Variants in KNCN observed in about 807,000 individuals in gnomAD.
The protein encoded by KNCN is kinocilin.
In KNCN, 11 loss-of-function variants were observed where a neutral mutation model predicts 10.4. That is an observed-to-expected ratio of 1.06 (90% CI 0.67 to 1.75). The LOEUF is 1.75. Ranked by LOEUF, KNCN falls within the 40% of genes most tolerant of loss-of-function variation. KNCN has a pLI of 0.00. For synonymous variants in KNCN, 67 were observed against 71.6 expected, an observed-to-expected ratio of 0.94 and a Z score of 0.33; for missense variants, 172 against 167.1, an observed-to-expected ratio of 1.03 and a Z score of -0.16.
chr1:46,549,402 G>A (rs1667020488), intron 2 of KNCN, 135 bp from the exon 3 acceptor site: 1 of 633,888 alleles, frequency 1.6e-6, no homozygotes, highest in Admixed American at 3.1e-5. Context: ...CATTCCTTTA[G>A]GTCTCACATG....
In KNCN at chr1:46,551,559, A is replaced by G; in HGVS notation, c.-344T>C. 4.6e-6 allele frequency: 1 copy of G among 215,792 alleles called. No individual in the cohort carries two copies. The highest frequency in any genetic ancestry group is 9.1e-6 in the Non-Finnish European group (1 of 109,974). The allele number at this position is 215,792 out of a possible 1,614,324, so 13.4% of individuals were successfully genotyped here. On this transcript the variant is annotated 5_prime_UTR_variant, in exon 1 of 4. An upstream start codon of the reference 5' UTR is lost. Coordinates refer to ENST00000481882, the MANE Select transcript of KNCN (RefSeq NM_001322255.2). This position sits in a 1 kb window ranked among gnomAD's most constrained non-coding sequence, Gnocchi z 4.0. ...AGTTCTAGGGAGCTGGGCCTGTTCCATAGGATCCTTCCCTGCCAGCCTCCA... is the reference window on the plus strand; with the variant it reads ...AGTTCTAGGGAGCTGGGCCTGTTCCGTAGGATCCTTCCCTGCCAGCCTCCA...
chr1:46,549,141 CA>C (rs749743161), intron 3 of KNCN, 51 bp downstream of exon 3: 17,440 of 758,754 alleles, frequency 0.023, no homozygotes, highest in South Asian at 0.045. Context: ...AACTCTGTCT[CA>C]AAAAAAAAAA....
Position 46,547,538 on chromosome 1 carries a change from G to A in KNCN, c.*192C>T. The A allele has an allele frequency of 1.4e-6, 1 of 707,734 alleles. No individual in the cohort carries two copies. The highest frequency in any genetic ancestry group is 2.6e-6 in the Non-Finnish European group (1 of 385,270). 43.8% of individuals were successfully genotyped at this position (707,734 alleles called of 1,614,324 possible). ...TTGCTCCAGGTCCCAGCCCACACCA[G>A]TGGAATCCATTTTGGAGAGGCTTGG... On this transcript the variant is annotated 3_prime_UTR_variant, in exon 4 of 4. Transcript: ENST00000481882.
At position 46,549,249 on chromosome 1, in the gene KNCN, G is replaced by T. The variant is rs750244356; in HGVS notation, c.239C>A (p.Pro80His). Residue 80 changes from proline (P) to histidine (H), a missense_variant, in exon 3 of 4, where the codon CCC (proline) becomes CAC (histidine). Transcript: ENST00000481882. ...TTCCCCGTGGTCTGCCCCTGGATGG[G>T]GATGGATTCTTAGGCTCCCTGCAGG... ...LPTIGSLRIH[P>H]HPGADHGEGR... is the part of the protein sequence containing the mutation. 6.2e-7 allele frequency: 1 copy of T among 1,613,098 alleles called. No homozygotes were observed. The highest frequency in any genetic ancestry group is 8.5e-7 in the Non-Finnish European group (1 of 1,179,440).
At chr1:46,550,726 T>C (rs886552318) in intron 1 of KNCN, among the ~76,000 whole-genome samples, 1 of 152,266 alleles carries the variant, frequency 6.6e-6, no homozygotes. Flanking sequence ...TCCTTTTACC[T>C]GCCGCCATCA....
At position 46,550,000 on chromosome 1, in the gene KNCN, G is replaced by A. The variant is rs1433890329; in HGVS notation, c.154C>T (p.Leu52Phe). ...GVFIGAAVLG[L>F]LILAYPFLKA... is the part of the protein sequence containing the mutation. Reference sequence around the variant, plus strand: ...AGGAAGGGGTAGGCCAAGATGAGGAGCCCTGAGAAGAGACACAGGGGGTTC... The same window carrying A: ...AGGAAGGGGTAGGCCAAGATGAGGAACCCTGAGAAGAGACACAGGGGGTTC... The change falls in exon 2 of 4, where the codon CTC (leucine) becomes TTC (phenylalanine). Residue 52 changes from leucine (L) to phenylalanine (F), a missense_variant and splice_region_variant. Transcript: ENST00000481882. 1 of 1,550,710 alleles carries A rather than the reference G, an allele frequency of 6.4e-7. No individual in the cohort carries two copies. The highest frequency in any genetic ancestry group is 2.4e-5 in the East Asian group (1 of 40,918).
rs2148510207 is a variant in KNCN at position 46,551,225 on chromosome 1, C to T, written c.-10G>A. 1.2e-6 allele frequency: 2 copies of T among 1,601,910 alleles called. No individual in the cohort carries two copies. The highest frequency in any genetic ancestry group is 1.7e-6 in the Non-Finnish European group (2 of 1,175,086). ...TGATGGGGATGTCCATGCAGGCCCACCCGGGGCACTGCCTCCAGCCGGTGC... is the reference window on the plus strand; with the variant it reads ...TGATGGGGATGTCCATGCAGGCCCATCCGGGGCACTGCCTCCAGCCGGTGC... On this transcript the variant is annotated 5_prime_UTR_variant, in exon 1 of 4. The change creates a new upstream start codon in the 5' untranslated region. Coordinates refer to ENST00000481882, the MANE Select transcript of KNCN (RefSeq NM_001322255.2). The surrounding 1 kb of genome is among the most constrained non-coding windows in gnomAD (Gnocchi z 4.0).
In KNCN at chr1:46,547,611, C is replaced by T; in HGVS notation, c.*119G>A. On this transcript the variant is annotated 3_prime_UTR_variant, in exon 4 of 4. Transcript: ENST00000481882. The stretch of plus-strand genomic sequence containing the variant: ...ATTCCAGACACTGTTCCCAGCCGCT[C>T]TGGGGTCTGCAGGGCCTGGCTTGTC... 1.3e-6 allele frequency: 1 copy of T among 799,028 alleles called. No individual in the cohort carries two copies. The highest frequency in any genetic ancestry group is 2.2e-6 in the Non-Finnish European group (1 of 459,666). The allele number at this position is 799,028 out of a possible 1,614,324, so 49.5% of individuals were successfully genotyped here.
chr1:46,550,839 C>T (rs1380901772), intron 1 of KNCN, among the ~76,000 whole-genome samples: 1 of 152,116 alleles, frequency 6.6e-6, no homozygotes, highest in African/African-American at 2.4e-5. Context: ...AAGAGTGTGA[C>T]GGCCAGCTCT....
chr1:46,549,009 C>T (rs1206314947), intron 3 of KNCN, among the ~76,000 whole-genome samples, 184 bp downstream of exon 3: 1 of 152,126 alleles, frequency 6.6e-6, no homozygotes, highest in Non-Finnish European at 1.5e-5. Flanking sequence ...GGCGTGGTGG[C>T]ACATGTCTGT....
chr1:46,550,894 G>A (rs1667052906), intron 1 of KNCN, among the ~76,000 whole-genome samples, 171 bp downstream of exon 1: 2 of 152,052 alleles, frequency 1.3e-5, no homozygotes, highest in South Asian at 2.1e-4. Context: ...CCAGCGCGTC[G>A]CTCCTCTCCC....
At chr1:46,547,842 C>T (rs1003877013) in intron 3 of KNCN, 33 bp from the exon 4 acceptor site, 94 of 1,408,214 alleles carry the variant, frequency 6.7e-5, no homozygotes, top group South Asian at 3.5e-4. Context: ...GGACTGCCTC[C>T]GTAGACAGGT....
At chr1:46,549,874 A>G in intron 2 of KNCN, 60 bp downstream of exon 2, 5 of 1,550,378 alleles carry the variant, frequency 3.2e-6, no homozygotes, top group Non-Finnish European at 4.4e-6. Flanking sequence ...AGACGAGCAC[A>G]CAAAGGGTCT....
chr1:46,547,684 AGGCAGGATGGGAG>A lies in KNCN; in HGVS notation c.*33_*45del. 1 of 1,418,830 alleles carries A rather than the reference AGGCAGGATGGGAG, an allele frequency of 7.0e-7. No homozygotes were observed. The highest frequency in any genetic ancestry group is 9.7e-7 in the Non-Finnish European group (1 of 1,029,408). 87.9% of individuals were successfully genotyped at this position (1,418,830 alleles called of 1,614,324 possible). A position where few individuals can be genotyped will look rare whatever the true frequency, so the allele number is the denominator to read the frequency against. On this transcript the variant is annotated 3_prime_UTR_variant, in exon 4 of 4. Transcript: ENST00000481882. Reference sequence around the variant, plus strand: ...AGGAGGGCACTGACATAGGGGCAGCAGGCAGGATGGGAGGGCAGGGCATGGGCAGCCGCTCAGA... The same window carrying A: ...AGGAGGGCACTGACATAGGGGCAGCAGGCAGGGCATGGGCAGCCGCTCAGA...
Position 46,547,373 on chromosome 1 carries a change from T to C in KNCN, c.*357A>G, listed in dbSNP as rs1048448761. The stretch of plus-strand genomic sequence containing the variant: ...GCAAGGGACTGGGGCATCCTGGTCA[T>C]AGTCAGGGCCTTGGACCCCAAATTC... On this transcript the variant is annotated 3_prime_UTR_variant, in exon 4 of 4. Coordinates refer to ENST00000481882, the MANE Select transcript of KNCN (RefSeq NM_001322255.2). 2.0e-6 allele frequency: 1 copy of C among 502,598 alleles called. No individual in the cohort carries two copies. The highest frequency in any genetic ancestry group is 1.5e-5 in the South Asian group (1 of 64,918). The allele number at this position is 502,598 out of a possible 1,614,324, so 31.1% of individuals were successfully genotyped here.
chr1:46,547,896 G>A, intron 3 of KNCN, 87 bp from the exon 4 acceptor site: 1 of 1,000,766 alleles, frequency 1.0e-6, no homozygotes, highest in Non-Finnish European at 1.4e-6. Flanking sequence ...AGGGACCCAA[G>A]GCCGGGGTGC....
chr1:46,547,902 G>A (rs1666982029), intron 3 of KNCN, 93 bp from the exon 4 acceptor site: 2 of 947,616 alleles, frequency 2.1e-6, no homozygotes, highest in Non-Finnish European at 1.5e-6. Flanking sequence ...CCAAGGCCGG[G>A]GTGCCTGGTT....
Position 46,551,226 on chromosome 1 carries a change from C to G in KNCN, c.-11G>C, listed in dbSNP as rs761772903. On this transcript the variant is annotated 5_prime_UTR_variant, in exon 1 of 4. Coordinates refer to ENST00000481882, the MANE Select transcript of KNCN (RefSeq NM_001322255.2). This position sits in a 1 kb window ranked among gnomAD's most constrained non-coding sequence, Gnocchi z 4.0. ...GATGGGGATGTCCATGCAGGCCCAC[C>G]CGGGGCACTGCCTCCAGCCGGTGCA... The G allele has an allele frequency of 1.2e-6, 2 of 1,601,714 alleles. No individual in the cohort carries two copies. The highest frequency in any genetic ancestry group is 1.7e-6 in the Non-Finnish European group (2 of 1,175,026).
At chr1:46,550,517 T>TGGCCTG (rs1157976130) in intron 1 of KNCN, among the ~76,000 whole-genome samples, 3 of 133,622 alleles carry the variant, frequency 2.2e-5, no homozygotes, top group Admixed American at 7.2e-5. Context: ...GTCCTGCCTT[T>TGGCCTG]GGCCTGGGCG....
Sources: allele counts gnomAD v4.1 joint callset (sites outside exome capture counted in the v4.1 genomes callset), GRCh38; gene constraint gnomAD v4.1.1; non-coding constraint Gnocchi (gnomAD v3.1); transcripts MANE v1.5; gene names NCBI Gene and HGNC (gene_info 2026-07-23, HGNC 2026-07-21).